The following AP4E1 variants were observed in gnomAD, a reference collection of about 807,000 sequenced individuals.
AP4E1 encodes the protein AP-4 complex subunit epsilon-1.
A neutral mutation model predicts 128.2 loss-of-function variants in AP4E1; 56 were observed. The ratio of observed to expected loss-of-function variants is 0.44; its 90% CI spans 0.35 to 0.55. The LOEUF (loss-of-function observed/expected upper bound fraction) is 0.55. AP4E1 is among the 20% of genes least tolerant of loss of function. The pLI, the probability that AP4E1 is intolerant of heterozygous loss-of-function variation, is 0.00. For missense variants in AP4E1, 1,324 were observed against 1,307.7 expected (o/e 1.01, Z -0.19); for synonymous variants, 484 against 473.1 (o/e 1.02, Z -0.30).
rs75813361 is a variant in AP4E1 at position 50,916,537 on chromosome 15, G to T, written c.346+966G>T. ...GGTTAGAACACGTTCTTTATTCAGAGAAGTTGATAATGTCATGTCGTTAAG... is the reference window on the plus strand; with the variant it reads ...GGTTAGAACACGTTCTTTATTCAGATAAGTTGATAATGTCATGTCGTTAAG... On this transcript the variant is annotated intron_variant, in intron 3 of 20. Transcript: ENST00000261842. Among the ~76,000 whole-genome samples, 347 of 152,306 alleles carry T rather than the reference G, an allele frequency of 2.3e-3. 12 individuals carry two copies. The East Asian group carries it at 0.057, about 25-fold the overall frequency.
intron 6 of AP4E1, 84 bp downstream of exon 6, chr15:50,929,252 TA>T: frequency 7.0e-7 from 1 of 1,428,618 alleles, no homozygotes. Context: ...GATATTTTGG[TA>T]AAATGCTTAG....
At chr15:50,986,793 G>A (rs1390117456) in intron 16 of AP4E1, among the ~76,000 whole-genome samples, 1 of 152,150 alleles carries the variant, frequency 6.6e-6, no homozygotes, top group African/African-American at 2.4e-5. Flanking sequence ...TCTCTGCTAG[G>A]CTTTGGTATC....
chr15:50,945,180 T>C (rs1396556030), intron 10 of AP4E1: 2 of 863,206 alleles, frequency 2.3e-6, no homozygotes, highest in East Asian at 2.4e-5. Context: ...TTTTGCCACA[T>C]GTGGACAGCA....
chr15:50,948,339 C>CTTTTT (rs66467957), intron 11 of AP4E1, among the ~76,000 whole-genome samples, 180 bp downstream of exon 11: 9 of 122,058 alleles, frequency 7.4e-5, no homozygotes, highest in South Asian at 2.7e-4. Flanking sequence ...TAGGAGATGG[C>CTTTTT]TTTTTTTTTT....
At chr15:50,959,558 G>A (rs2064281062) in intron 14 of AP4E1, among the ~76,000 whole-genome samples, 1 of 152,166 alleles carries the variant, frequency 6.6e-6, no homozygotes, top group Non-Finnish European at 1.5e-5. Flanking sequence ...TAAAAGAAAT[G>A]TTTGAGGGAG....
intron 6 of AP4E1, among the ~76,000 whole-genome samples, chr15:50,929,633 T>A (rs1218370704): frequency 6.6e-6 from 1 of 152,174 alleles, no homozygotes; most frequent in Non-Finnish European, 1.5e-5. Context: ...ATGGCGATGG[T>A]GGATTTATAC....
chr15:50,918,304 G>A (rs1227938946), intron 3 of AP4E1, among the ~76,000 whole-genome samples: 2 of 152,082 alleles, frequency 1.3e-5, no homozygotes. Context: ...TTTAAATATT[G>A]CATGGGTAGA....
At chr15:50,990,795 G>A (rs566257115) in intron 16 of AP4E1, among the ~76,000 whole-genome samples, 2 of 152,286 alleles carry the variant, frequency 1.3e-5, no homozygotes, top group Admixed American at 1.3e-4. Context: ...CTTTAAAATA[G>A]TTTGAGGCTC....
intron 2 of AP4E1, among the ~76,000 whole-genome samples, chr15:50,913,540 G>A (rs2063590428): frequency 6.6e-6 from 1 of 152,226 alleles, no homozygotes; most frequent in South Asian, 2.1e-4. Context: ...AGCTGTTCAT[G>A]TAAAGGTTGG....
chr15:50,920,764 T>A (rs933503387), intron 3 of AP4E1, among the ~76,000 whole-genome samples: 2 of 152,210 alleles, frequency 1.3e-5, no homozygotes, highest in Non-Finnish European at 2.9e-5. Context: ...TTTTAAAGCC[T>A]GCTTTGGTGC....
rs757786122 is a variant in AP4E1 at position 51,003,513 on chromosome 15, T to C, written c.*851T>C. 3.9e-5 allele frequency: 6 copies of C among 152,316 alleles called. No homozygotes were observed. The highest frequency in any genetic ancestry group is 7.3e-5 in the Non-Finnish European group (5 of 68,028). The allele number at this position is 152,316 out of a possible 1,614,324, so 9.4% of individuals were successfully genotyped here. On this transcript the variant is annotated 3_prime_UTR_variant, in exon 21 of 21. Transcript: ENST00000261842. The stretch of plus-strand genomic sequence containing the variant: ...CAAATGAAAATTTGTGATTAGAGTA[T>C]AAATGGCAAAACTATCTTTTCCTGG...
chr15:50,992,031 C>T (rs1351944864), intron 16 of AP4E1, among the ~76,000 whole-genome samples: 3 of 149,794 alleles, frequency 2.0e-5, no homozygotes, highest in Non-Finnish European at 3.0e-5. Flanking sequence ...GTATATTTGA[C>T]CCTTGAACAA....
At chr15:50,955,857 A>G (rs549449635) in intron 13 of AP4E1, among the ~76,000 whole-genome samples, 9 of 152,272 alleles carry the variant, frequency 5.9e-5, no homozygotes, top group Admixed American at 1.3e-4. Flanking sequence ...TGGTGAGGGT[A>G]GAAGTCTTGA....
chr15:50,983,969 A>G (rs2064679145), intron 15 of AP4E1, 53 bp from the exon 16 acceptor site: 13 of 1,580,902 alleles, frequency 8.2e-6, no homozygotes, highest in African/African-American at 1.4e-5. Context: ...TAACTTTGAC[A>G]GTTTTTTGCT....
chr15:51,002,615 CCTGA>C lies in AP4E1; in HGVS notation c.3370_3373del (p.Asp1124IlefsTer9), dbSNP rs1295315483. The stretch of plus-strand genomic sequence containing the variant: ...GTTCAGATCCTCCTGTTCTACTCTT[CCTGA>C]CTATTTACTGTATCAGTGTCAAAAG... On this transcript the variant is annotated frameshift_variant, in exon 21 of 21. Transcript: ENST00000261842. LOFTEE classifies it high-confidence loss of function. The C allele has an allele frequency of 8.7e-6, 14 of 1,614,042 alleles. No individual in the cohort carries two copies. Among genetic ancestry groups the C allele is most frequent in the East Asian group, 2.2e-5 (1 of 44,888 alleles).
At chr15:50,929,559 C>T (rs1332945259) in intron 6 of AP4E1, among the ~76,000 whole-genome samples, 1 of 151,814 alleles carries the variant, frequency 6.6e-6, no homozygotes, top group African/African-American at 2.4e-5. Flanking sequence ...GTATTGACTC[C>T]ATGTATTAAT....
At chr15:50,937,722 A>G (rs544117712) in intron 8 of AP4E1, among the ~76,000 whole-genome samples, 1 of 152,158 alleles carries the variant, frequency 6.6e-6, no homozygotes, top group Non-Finnish European at 1.5e-5. Flanking sequence ...AGGGAGATTG[A>G]AGGGGCTTTT....
intron 5 of AP4E1, 150 bp downstream of exon 5, chr15:50,925,369 A>T: frequency 1.2e-6 from 1 of 854,940 alleles, no homozygotes; most frequent in Non-Finnish European, 1.8e-6. Context: ...GATCATCTTT[A>T]TTTTTATGTG....
chr15:50,938,627 C>G (rs981191906), intron 8 of AP4E1, among the ~76,000 whole-genome samples: 1 of 152,112 alleles, frequency 6.6e-6, no homozygotes, highest in African/African-American at 2.4e-5. Flanking sequence ...ATTTTCCCCT[C>G]TTTGTGGCCA....
Sources: gnomAD v4.1 joint callset for allele counts (sites outside exome capture counted in the v4.1 genomes callset) on GRCh38, gnomAD v4.1.1 for gene constraint, MANE v1.5 for transcripts, NCBI Gene and HGNC (gene_info 2026-07-23, HGNC 2026-07-21) for gene names.